Variants in RAPGEF2 observed in about 807,000 individuals in gnomAD.
The protein encoded by RAPGEF2 is PDZ domain containing guanine nucleotide exchange factor (GEF) 1.
In RAPGEF2, 54 loss-of-function variants were observed where a neutral mutation model predicts 186.7. That is an observed-to-expected ratio of 0.29 (90% CI 0.23 to 0.36). The LOEUF (loss-of-function observed/expected upper bound fraction) is 0.36, where lower values mean the gene tolerates loss of function less well. Among genes scored for constraint, RAPGEF2 ranks in the 10% least tolerant of loss-of-function variants. The pLI is 1.00. For synonymous variants in RAPGEF2, 712 were observed against 705.9 expected (o/e 1.01, Z -0.14); for missense variants, 1,532 against 2,045.0 (o/e 0.75, Z 4.84).
intron 2 of RAPGEF2, among the ~76,000 whole-genome samples, chr4:159,189,275 T>C (rs1255427067): frequency 6.6e-6 from 1 of 152,188 alleles, no homozygotes; most frequent in Admixed American, 6.5e-5. Context: ...CTTTTATTTA[T>C]TTGAAAGCTT....
At chr4:159,295,124 C>T (rs1467287510) in intron 7 of RAPGEF2, among the ~76,000 whole-genome samples, 5 of 152,230 alleles carry the variant, frequency 3.3e-5, no homozygotes, top group Admixed American at 6.5e-5. Context: ...CCAAAGCTAT[C>T]GCAGTAATTA....
intron 7 of RAPGEF2, among the ~76,000 whole-genome samples, chr4:159,296,205 A>T (rs1214314791): frequency 6.6e-6 from 1 of 152,228 alleles, no homozygotes; most frequent in African/African-American, 2.4e-5. Flanking sequence ...GTTATACAGC[A>T]CTGTGTCATT....
chr4:159,238,726 A>C (rs1273030529), intron 4 of RAPGEF2, 83 bp from the exon 5 acceptor site: 7 of 895,304 alleles, frequency 7.8e-6, no homozygotes, highest in Non-Finnish European at 1.1e-5. Flanking sequence ...TTTATTTATC[A>C]GGAAGTTTGG....
chr4:159,106,669 C>T (rs1384678340), intron 1 of RAPGEF2, among the ~76,000 whole-genome samples: 2 of 152,144 alleles, frequency 1.3e-5, no homozygotes, highest in African/African-American at 4.8e-5. Context: ...TCGTTATAGG[C>T]AAAAGGAAAA....
At chr4:159,191,866 C>T (rs1200776719) in intron 2 of RAPGEF2, among the ~76,000 whole-genome samples, 2 of 152,102 alleles carry the variant, frequency 1.3e-5, no homozygotes, top group Admixed American at 6.6e-5. Context: ...TCCGCCCACA[C>T]GATAGGTGAT....
Position 159,104,216 on chromosome 4 carries a change from C to CGGGGGGGGGGGG in RAPGEF2, c.55_56insGGGGGGGGGGGG (p.Pro18_Glu19insGlyGlyGlyGly). 7.5e-7 allele frequency: 1 copy of CGGGGGGGGGGGG among 1,326,426 alleles called. No individual in the cohort carries two copies. Among genetic ancestry groups the CGGGGGGGGGGGG allele is most frequent in the East Asian group, 4.7e-5 (1 of 21,112 alleles). The allele number at this position is 1,326,426 out of a possible 1,614,324, so 82.2% of individuals were successfully genotyped here. ...GCCAGGCGGTGATGAAGAATCCCCC[C>CGGGGGGGGGGGG]GAAAGGACCCCCCAGGTGAGAACGC... On this transcript the variant is annotated inframe_insertion, in exon 1 of 30. Coordinates refer to ENST00000691494, the MANE Select transcript of RAPGEF2 (RefSeq NM_001394067.2).
intron 1 of RAPGEF2, among the ~76,000 whole-genome samples, chr4:159,107,706 T>C (rs1354779045): frequency 2.6e-5 from 4 of 152,182 alleles, no homozygotes; most frequent in Admixed American, 6.5e-5. Context: ...AAGTACTTGG[T>C]AGAATTCATC....
intron 7 of RAPGEF2, among the ~76,000 whole-genome samples, chr4:159,248,186 A>G (rs971444186): frequency 1.3e-5 from 2 of 152,196 alleles, no homozygotes; most frequent in African/African-American, 4.8e-5. Flanking sequence ...TATGAATATA[A>G]ATACATGACT....
At chr4:159,287,667 T>TC (rs1332218668) in intron 7 of RAPGEF2, among the ~76,000 whole-genome samples, 1 of 152,180 alleles carries the variant, frequency 6.6e-6, no homozygotes, top group Non-Finnish European at 1.5e-5. Context: ...AATAAAGAAT[T>TC]CCAAGTTACT....
intron 5 of RAPGEF2, 138 bp downstream of exon 5, chr4:159,239,022 C>T (rs1015426581): frequency 8.5e-6 from 4 of 468,530 alleles, no homozygotes; most frequent in East Asian, 3.5e-5. Flanking sequence ...ATATTTATTT[C>T]ACAACTTTTT....
intron 1 of RAPGEF2, among the ~76,000 whole-genome samples, chr4:159,134,209 TCTTGTA>T (rs1304172396): frequency 1.3e-5 from 2 of 152,182 alleles, no homozygotes; most frequent in Admixed American, 6.6e-5. Context: ...TTTAAGAATG[TCTTGTA>T]CTGTACATGG....
intron 7 of RAPGEF2, among the ~76,000 whole-genome samples, chr4:159,295,720 AGTGTGTGTGTGTGTGTGTGT>A (rs71589223): frequency 2.2e-5 from 3 of 134,630 alleles, no homozygotes; most frequent in Non-Finnish European, 4.8e-5. Context: ...AGAGTGTGTG[AGTGTGTGTGTGTGTGTGTGT>A]GTGTGTGTGT....
intron 1 of RAPGEF2, among the ~76,000 whole-genome samples, chr4:159,145,189 T>C (rs1742810719): frequency 6.6e-6 from 1 of 152,116 alleles, no homozygotes; most frequent in Non-Finnish European, 1.5e-5. Flanking sequence ...CCTGTTTTTT[T>C]TTCCCGCTTT....
intron 4 of RAPGEF2, among the ~76,000 whole-genome samples, chr4:159,237,196 T>G (rs990358555): frequency 6.6e-6 from 1 of 152,084 alleles, no homozygotes; most frequent in African/African-American, 2.4e-5. Context: ...AATTTTTGTA[T>G]TTTTAGTAGA....
intron 1 of RAPGEF2, among the ~76,000 whole-genome samples, chr4:159,127,115 C>T (rs1740409453): frequency 6.6e-6 from 1 of 152,204 alleles, no homozygotes; most frequent in South Asian, 2.1e-4. Context: ...CAACCTCCGC[C>T]TCCTGGGTTC....
intron 1 of RAPGEF2, among the ~76,000 whole-genome samples, chr4:159,121,493 A>T (rs1169655693): frequency 6.6e-6 from 1 of 151,998 alleles, no homozygotes; most frequent in Non-Finnish European, 1.5e-5. Flanking sequence ...CAGCCTCTGA[A>T]TAGCTGGTAC....
intron 1 of RAPGEF2, among the ~76,000 whole-genome samples, chr4:159,163,723 C>T (rs1215855681): frequency 7.9e-5 from 12 of 152,098 alleles, no homozygotes; most frequent in Admixed American, 7.2e-4. Flanking sequence ...TGACTCAGCA[C>T]ATTTTAATTG....
At chr4:159,234,770 T>C (rs181750930) in intron 4 of RAPGEF2, among the ~76,000 whole-genome samples, 23 of 151,718 alleles carry the variant, frequency 1.5e-4, no homozygotes, top group Admixed American at 3.9e-4. Context: ...CCTATTATTA[T>C]TATTTTTGAG....
intron 1 of RAPGEF2, among the ~76,000 whole-genome samples, chr4:159,182,804 A>G (rs987050385): frequency 1.3e-5 from 2 of 152,230 alleles, no homozygotes; most frequent in Admixed American, 1.3e-4. Context: ...GTAATTGTTC[A>G]TAAGTGTTCT....
Sources: allele counts gnomAD v4.1 joint callset (sites outside exome capture counted in the v4.1 genomes callset), GRCh38; gene constraint gnomAD v4.1.1; transcripts MANE v1.5; gene names NCBI Gene and HGNC (gene_info 2026-07-23, HGNC 2026-07-21).